COL28A1: variants seen among roughly 807,000 people sequenced by gnomAD.
COL28A1 encodes the protein collagen type XXVIII alpha 1 chain.
COL28A1 carries 161 observed loss-of-function variants against 150.2 expected under a neutral mutation model. The observed-to-expected ratio is 1.07, with a 90% confidence interval of 0.94 to 1.22. The LOEUF (loss-of-function observed/expected upper bound fraction) is 1.22. Among genes scored for constraint, COL28A1 ranks in the 50% most tolerant of loss-of-function variants. COL28A1 has a pLI of 0.00. For synonymous variants in COL28A1, 552 were observed against 469.7 expected (o/e 1.18, Z -2.26); for missense variants, 1,617 against 1,388.3 (o/e 1.16, Z -2.62).
intron 18 of COL28A1, among the ~76,000 whole-genome samples, chr7:7,445,464 T>C (rs1786179814): frequency 6.6e-6 from 1 of 152,178 alleles, no homozygotes; most frequent in Non-Finnish European, 1.5e-5. Context: ...TGAGAGACAA[T>C]AAATTTCTGT....
At position 7,490,656 on chromosome 7, in the gene COL28A1, G is replaced by A. The variant is rs1779866550; in HGVS notation, c.1027-10C>T. 1.8e-6 allele frequency: 2 copies of A among 1,130,416 alleles called. No individual in the cohort carries two copies. The highest frequency in any genetic ancestry group is 4.7e-5 in the East Asian group (2 of 42,742). 70.0% of individuals were successfully genotyped at this position (1,130,416 alleles called of 1,614,324 possible). A position where few individuals can be genotyped will look rare whatever the true frequency, so the allele number is the denominator to read the frequency against. Reference sequence around the variant, plus strand: ...GAGGACCTGGCTCACCCTGGAGGAAGAAATAGTGACATCAGTTATATGTTA... The same window carrying A: ...GAGGACCTGGCTCACCCTGGAGGAAAAAATAGTGACATCAGTTATATGTTA... On this transcript the variant is annotated splice_polypyrimidine_tract_variant and intron_variant, in intron 11 of 34. Coordinates refer to ENST00000399429, the MANE Select transcript of COL28A1 (RefSeq NM_001037763.3).
At chr7:7,352,599 G>T (rs1335177252), downstream of COL28A1, among the ~76,000 whole-genome samples, 2 of 152,128 alleles carry the variant, frequency 1.3e-5, no homozygotes, top group Non-Finnish European at 2.9e-5. Flanking sequence ...GAGGAACTAT[G>T]CGCCAAGGAA....
At chr7:7,437,357 G>A (rs1223605888) in intron 22 of COL28A1, 37 bp downstream of exon 22, 5 of 1,581,104 alleles carry the variant, frequency 3.2e-6, no homozygotes, top group East Asian at 2.3e-5. Context: ...ACTGCCAAAG[G>A]GTCAAGAAAA....
At chr7:7,395,564 G>A (rs749672555) in intron 27 of COL28A1, among the ~76,000 whole-genome samples, 5 of 152,274 alleles carry the variant, frequency 3.3e-5, no homozygotes, top group Non-Finnish European at 7.3e-5. Flanking sequence ...ATAAATCAGA[G>A]AGACCTGGTT....
At chr7:7,408,540 C>T (rs1783613420) in intron 27 of COL28A1, among the ~76,000 whole-genome samples, 1 of 152,126 alleles carries the variant, frequency 6.6e-6, no homozygotes, top group South Asian at 2.1e-4. Flanking sequence ...TACAAAAATA[C>T]ATGTCCTTCA....
At chr7:7,465,456 G>C (rs923005393) in intron 15 of COL28A1, among the ~76,000 whole-genome samples, 2 of 138,202 alleles carry the variant, frequency 1.4e-5, no homozygotes, top group African/African-American at 2.7e-5. Context: ...AGGGTCCTAC[G>C]CCCACGGAAT....
chr7:7,509,491 T>C (rs1583534720), intron 9 of COL28A1, among the ~76,000 whole-genome samples: 1 of 152,220 alleles, frequency 6.6e-6, no homozygotes, highest in Admixed American at 6.5e-5. Flanking sequence ...GTTCATATGT[T>C]TTTCTGAACA....
In COL28A1 at chr7:7,421,867, G is replaced by C. The variant is rs561259480; in HGVS notation, c.1999-1914C>G. Reference sequence around the variant, plus strand: ...GTACTTAGCTGCTTCTAAGGCTACGGGTGCTAATTATCTCTTTAACACCTC... The same window carrying C: ...GTACTTAGCTGCTTCTAAGGCTACGCGTGCTAATTATCTCTTTAACACCTC... On this transcript the variant is annotated intron_variant, in intron 25 of 34. Coordinates refer to ENST00000399429, the MANE Select transcript of COL28A1 (RefSeq NM_001037763.3). Among the ~76,000 whole-genome samples the C allele has an allele frequency of 1.7e-4, 26 of 152,122 alleles. No homozygotes were observed. The South Asian group carries it at 5.2e-3, about 30-fold the overall frequency.
intron 27 of COL28A1, among the ~76,000 whole-genome samples, chr7:7,383,442 C>T (rs1237396507): frequency 1.3e-5 from 2 of 151,576 alleles, no homozygotes; most frequent in East Asian, 1.9e-4. Flanking sequence ...CTATGCCTGG[C>T]TAATTTTTGT....
rs780441748 is a variant in COL28A1 at position 7,452,372 on chromosome 7, T to C, written c.1456A>G (p.Met486Val). 6.2e-7 allele frequency: 1 copy of C among 1,600,898 alleles called. No homozygotes were observed. Among genetic ancestry groups the C allele is most frequent in the Non-Finnish European group, 8.5e-7 (1 of 1,177,046 alleles). The change falls in exon 18 of 35, where the codon ATG becomes GTG. Residue 486 changes from methionine (M) to valine (V), a missense_variant. Physicochemically the swap from Met to Val is conservative, Grantham distance 21. Transcript: ENST00000399429. ...GGTCCTCGAGGGCCTGTAGGTCCCATTTGGCCTACTTCTCCCTAGTAAGAA... is the reference window on the plus strand; with the variant it reads ...GGTCCTCGAGGGCCTGTAGGTCCCACTTGGCCTACTTCTCCCTAGTAAGAA... ...LPGSKGEVGQ[M>V]GPTGPRGPVG...
intron 8 of COL28A1, among the ~76,000 whole-genome samples, chr7:7,511,393 T>C (rs1483053069): frequency 1.3e-5 from 2 of 152,212 alleles, no homozygotes; most frequent in East Asian, 3.8e-4. Flanking sequence ...AAGAAATGGA[T>C]GAAACTAGAA....
Position 7,437,386 on chromosome 7 carries a change from A to G in COL28A1, c.1791+8T>C. On this transcript the variant is annotated splice_region_variant and intron_variant, in intron 22 of 34. Transcript: ENST00000399429. ...AAGAAAAAGAAAATAATCTCCAAGA[A>G]TATATACCTTTGGCCCAGGTGGTCC... 2.5e-6 allele frequency: 4 copies of G among 1,610,914 alleles called. No homozygotes were observed. The highest frequency in any genetic ancestry group is 2.5e-6 in the Non-Finnish European group (3 of 1,179,098).
At chr7:7,400,350 GAA>G (rs1783103109) in intron 27 of COL28A1, among the ~76,000 whole-genome samples, 1 of 152,140 alleles carries the variant, frequency 6.6e-6, no homozygotes, top group African/African-American at 2.4e-5. Flanking sequence ...CCAAGCAATA[GAA>G]AATAGGGTGA....
At chr7:7,374,514 G>A (rs1232282087) in intron 31 of COL28A1, among the ~76,000 whole-genome samples, 1 of 152,076 alleles carries the variant, frequency 6.6e-6, no homozygotes, top group East Asian at 1.9e-4. Context: ...CTTTTGAGGG[G>A]AGTAATCCCC....
intron 27 of COL28A1, among the ~76,000 whole-genome samples, chr7:7,411,582 C>T (rs1367852909): frequency 2.0e-5 from 3 of 152,088 alleles, no homozygotes; most frequent in Non-Finnish European, 2.9e-5. Context: ...CTCTCCCCAG[C>T]CTTTGAATCA....
At chr7:7,448,894 T>A (rs964738701) in intron 18 of COL28A1, among the ~76,000 whole-genome samples, 3 of 151,968 alleles carry the variant, frequency 2.0e-5, no homozygotes, top group African/African-American at 7.2e-5. Context: ...TGCAAACTAG[T>A]CTATGATGAC....
chr7:7,395,061 G>A (rs1782759887), intron 27 of COL28A1, among the ~76,000 whole-genome samples: 1 of 152,194 alleles, frequency 6.6e-6, no homozygotes, highest in African/African-American at 2.4e-5. Context: ...GGAGGTTGAG[G>A]TGGGAGAATC....
chr7:7,515,728 T>A, intron 8 of COL28A1, 86 bp downstream of exon 8: 1 of 768,178 alleles, frequency 1.3e-6, no homozygotes, highest in Non-Finnish European at 2.3e-6. Context: ...ATAAAGAAAA[T>A]AACTTTTATT....
chr7:7,446,357 A>C (rs1400921582), intron 18 of COL28A1, among the ~76,000 whole-genome samples: 1 of 152,198 alleles, frequency 6.6e-6, no homozygotes, highest in Non-Finnish European at 1.5e-5. Flanking sequence ...AAACAATAAT[A>C]ATCTTTGAGA....
Sources: gnomAD v4.1 joint callset for allele counts (sites outside exome capture counted in the v4.1 genomes callset) on GRCh38, gnomAD v4.1.1 for gene constraint, MANE v1.5 for transcripts, NCBI Gene and HGNC (gene_info 2026-07-23, HGNC 2026-07-21) for gene names.